Variants in GPC5 observed in about 807,000 individuals in gnomAD.
The protein encoded by GPC5 is glypican-5.
In GPC5, 47 loss-of-function variants were observed where a neutral mutation model predicts 53.9. The ratio of observed to expected loss-of-function variants is 0.87; its 90% CI spans 0.69 to 1.11. GPC5 has a LOEUF of 1.11. GPC5 is among the 50% of genes most tolerant of loss of function. The pLI, the probability that GPC5 is intolerant of heterozygous loss-of-function variation, is 0.00. For synonymous variants in GPC5, 286 were observed against 263.3 expected, an observed-to-expected ratio of 1.09 and a Z score of -0.84; for missense variants, 748 against 713.1, an observed-to-expected ratio of 1.05 and a Z score of -0.56.
At chr13:92,310,797 A>G (rs1313597209) in intron 7 of GPC5, among the ~76,000 whole-genome samples, 1 of 152,220 alleles carries the variant, frequency 6.6e-6, no homozygotes, top group Non-Finnish European at 1.5e-5. Flanking sequence ...TGTTTAACTT[A>G]CACTCGGTAA....
intron 1 of GPC5, among the ~76,000 whole-genome samples, chr13:91,427,128 GC>G (rs1248045337): frequency 6.6e-6 from 1 of 152,218 alleles, no homozygotes; most frequent in African/African-American, 2.4e-5. Context: ...CTAGGACAGT[GC>G]AGAAGGAAAA....
rs76287721 is a variant in GPC5, at chr13:91,829,372, G to A, written c.1280+72952G>A. ...GCAACTAAATGCAGGAACATGGACC[G>A]GATTCAAGACTGGATCCTGTACTGG... is the stretch of plus-strand genomic sequence containing the variant. On this transcript the variant is annotated intron_variant, in intron 5 of 7. Transcript: ENST00000377067. Among the ~76,000 whole-genome samples, 154 of 152,144 alleles carry A rather than the reference G, an allele frequency of 1.0e-3. 2 individuals carry two copies. The East Asian group carries it at 0.021, about 21-fold the overall frequency.
At chr13:92,865,435 C>T (rs1174379703) in intron 7 of GPC5, among the ~76,000 whole-genome samples, 1 of 152,030 alleles carries the variant, frequency 6.6e-6, no homozygotes, top group Non-Finnish European at 1.5e-5. Context: ...ATCTCACTTA[C>T]ATGTGGAATC....
In GPC5 at chr13:92,715,762, T is replaced by C. The variant is rs557258928; in HGVS notation, c.1562-150520T>C. Among the ~76,000 whole-genome samples, 46 of 152,316 alleles carry C rather than the reference T, an allele frequency of 3.0e-4. No homozygotes were observed. In the East Asian group the frequency reaches 7.9e-3, roughly 26 times the overall value. Reference sequence around the variant, plus strand: ...AACAGAGAAGATTCTAGAGTTTACATGGAAGCAGGAAAGAAATGACAATTA... The same window carrying C: ...AACAGAGAAGATTCTAGAGTTTACACGGAAGCAGGAAAGAAATGACAATTA... On this transcript the variant is annotated intron_variant, in intron 7 of 7. Transcript: ENST00000377067.
intron 7 of GPC5, among the ~76,000 whole-genome samples, chr13:92,495,529 A>G (rs1879939795): frequency 6.6e-6 from 1 of 152,010 alleles, no homozygotes. Context: ...CTTTAATTTG[A>G]TTCCTCAGAC....
chr13:92,774,486 G>T (rs1012109854), intron 7 of GPC5, among the ~76,000 whole-genome samples: 3 of 152,138 alleles, frequency 2.0e-5, no homozygotes, highest in African/African-American at 7.2e-5. Flanking sequence ...CCTGGAGCTT[G>T]CAGGCTGGGA....
At chr13:91,765,780 T>C (rs1353387507) in intron 5 of GPC5, among the ~76,000 whole-genome samples, 1 of 152,154 alleles carries the variant, frequency 6.6e-6, no homozygotes, top group Non-Finnish European at 1.5e-5. Flanking sequence ...GTGATATGAG[T>C]TTTCATTCAA....
chr13:92,302,759 C>T (rs1319353445), intron 7 of GPC5, among the ~76,000 whole-genome samples: 1 of 152,168 alleles, frequency 6.6e-6, no homozygotes, highest in African/African-American at 2.4e-5. Context: ...TAATTCAAAA[C>T]ATCTTGATTC....
intron 7 of GPC5, among the ~76,000 whole-genome samples, chr13:92,404,696 G>T: frequency 6.7e-6 from 1 of 149,854 alleles, no homozygotes. Flanking sequence ...GTCTTTCCTG[G>T]GGTCTTGGCA....
At chr13:92,725,161 G>T (rs1254195736) in intron 7 of GPC5, among the ~76,000 whole-genome samples, 1 of 151,192 alleles carries the variant, frequency 6.6e-6, no homozygotes, top group African/African-American at 2.4e-5. Context: ...TATCTTCTTT[G>T]GCTCTGAGTC....
intron 7 of GPC5, among the ~76,000 whole-genome samples, chr13:92,734,995 C>T (rs1011641878): frequency 6.6e-6 from 1 of 151,786 alleles, no homozygotes; most frequent in Admixed American, 6.6e-5. Context: ...ATACAAAGGG[C>T]ACGTAAAACA....
At chr13:91,818,599 T>C (rs1255580670) in intron 5 of GPC5, among the ~76,000 whole-genome samples, 1 of 152,200 alleles carries the variant, frequency 6.6e-6, no homozygotes, top group Non-Finnish European at 1.5e-5. Context: ...CTCATTAGAC[T>C]GATGGAGATA....
intron 1 of GPC5, among the ~76,000 whole-genome samples, chr13:91,445,135 A>G (rs1880694676): frequency 6.6e-6 from 1 of 151,950 alleles, no homozygotes; most frequent in Non-Finnish European, 1.5e-5. Flanking sequence ...ATCTTAGTAA[A>G]CTCAGCATAT....
intron 2 of GPC5, among the ~76,000 whole-genome samples, chr13:91,538,581 A>ATTTTTTT (rs11374916): frequency 7.7e-6 from 1 of 129,242 alleles, no homozygotes. Context: ...ATTGCAAATA[A>ATTTTTTT]TTTTTTTTTT....
At chr13:91,543,985 C>CT (rs1279044419) in intron 2 of GPC5, among the ~76,000 whole-genome samples, 2 of 151,916 alleles carry the variant, frequency 1.3e-5, no homozygotes, top group Non-Finnish European at 1.5e-5. Context: ...TTAATATAAA[C>CT]TTGCTGTATA....
intron 5 of GPC5, among the ~76,000 whole-genome samples, chr13:91,777,750 C>T (rs1182202995): frequency 2.0e-5 from 3 of 151,776 alleles, no homozygotes; most frequent in Non-Finnish European, 2.9e-5. Context: ...AATCCCTGAA[C>T]CTACACTTCT....
chr13:92,766,004 A>C (rs1875391995), intron 7 of GPC5, among the ~76,000 whole-genome samples: 1 of 152,178 alleles, frequency 6.6e-6, no homozygotes, highest in Non-Finnish European at 1.5e-5. Flanking sequence ...GCTCAAAGTT[A>C]ATGTTTCCTA....
chr13:92,861,258 A>G (rs1370332070), intron 7 of GPC5, among the ~76,000 whole-genome samples: 3 of 152,156 alleles, frequency 2.0e-5, no homozygotes, highest in Non-Finnish European at 4.4e-5. Flanking sequence ...TTGAATAAAT[A>G]TGTGCACATA....
At chr13:91,761,573 A>C (rs565659171) in intron 5 of GPC5, among the ~76,000 whole-genome samples, 1 of 152,246 alleles carries the variant, frequency 6.6e-6, no homozygotes, top group Admixed American at 6.5e-5. Flanking sequence ...CTTTGGGTTC[A>C]ATGAATCTGA....
Sources: gnomAD v4.1 joint callset for allele counts (sites outside exome capture counted in the v4.1 genomes callset) on GRCh38, gnomAD v4.1.1 for gene constraint, MANE v1.5 for transcripts, NCBI Gene and HGNC (gene_info 2026-07-23, HGNC 2026-07-21) for gene names.